NDUFB5: variants seen among roughly 807,000 people sequenced by gnomAD.
NDUFB5 encodes the protein NADH:ubiquinone oxidoreductase subunit B5.
NDUFB5 carries 19 observed loss-of-function variants against 19.4 expected under a neutral mutation model. The ratio of observed to expected loss-of-function variants is 0.98; its 90% CI spans 0.68 to 1.43. NDUFB5 has a LOEUF of 1.43. Among genes scored for constraint, NDUFB5 ranks in the 40% most tolerant of loss-of-function variants. NDUFB5 has a pLI of 0.00. For synonymous variants in NDUFB5, 80 were observed against 82.6 expected (o/e 0.97, Z 0.17); for missense variants, 233 against 236.5 (o/e 0.99, Z 0.10).
At chr3:179,621,236 C>A (rs934944409) in intron 5 of NDUFB5, among the ~76,000 whole-genome samples, 2 of 151,996 alleles carry the variant, frequency 1.3e-5, no homozygotes, top group African/African-American at 2.4e-5. Context: ...TGACACCATG[C>A]CCAGTTAATT....
chr3:179,610,994 G>GT (rs1265249514), intron 1 of NDUFB5, among the ~76,000 whole-genome samples: 4 of 151,984 alleles, frequency 2.6e-5, no homozygotes, highest in Non-Finnish European at 5.9e-5. Context: ...TAAAGGTTGA[G>GT]TTTTTTTTAT....
chr3:179,626,552 A>T lies in NDUFB5; in HGVS notation c.*2512A>T. The T allele has an allele frequency of 6.6e-6, 1 of 151,488 alleles. No homozygotes were observed. Among genetic ancestry groups the T allele is most frequent in the Admixed American group, 6.6e-5 (1 of 15,192 alleles). The allele number at this position is 151,488 out of a possible 1,614,324, so 9.4% of individuals were successfully genotyped here. ...TTTTTGTCCATTTTATTTTTTTGAG[A>T]TGGAGTCTTGCTGTGTCACCCAGGC... is the stretch of plus-strand genomic sequence containing the variant. On this transcript the variant is annotated 3_prime_UTR_variant, in exon 6 of 6. Transcript: ENST00000259037.
chr3:179,609,706 C>A (rs1378170382), intron 1 of NDUFB5, among the ~76,000 whole-genome samples: 1 of 152,152 alleles, frequency 6.6e-6, no homozygotes, highest in Admixed American at 6.5e-5. Context: ...ATTTTACATT[C>A]CTTTGTTTAC....
chr3:179,616,544 C>G (rs979470688), intron 3 of NDUFB5, among the ~76,000 whole-genome samples: 17 of 151,624 alleles, frequency 1.1e-4, no homozygotes, highest in Admixed American at 7.2e-4. Context: ...TCTGTCCCCC[C>G]CCCAAAAAAA....
intron 3 of NDUFB5, 38 bp downstream of exon 3, chr3:179,616,087 G>A (rs2108398753): frequency 6.6e-7 from 1 of 1,526,226 alleles, no homozygotes; most frequent in Non-Finnish European, 9.0e-7. Context: ...CCACCAGATT[G>A]GAAAAATTTT....
intron 1 of NDUFB5, among the ~76,000 whole-genome samples, chr3:179,608,804 A>G (rs1239993828): frequency 2.6e-5 from 4 of 152,164 alleles, no homozygotes; most frequent in Non-Finnish European, 4.4e-5. Context: ...TCAGACCTCC[A>G]GTCAACTTGT....
chr3:179,616,611 C>T (rs1029547457), intron 3 of NDUFB5, among the ~76,000 whole-genome samples: 4 of 151,956 alleles, frequency 2.6e-5, no homozygotes, highest in Non-Finnish European at 4.4e-5. Context: ...ATTAGATTTT[C>T]GTGGGAAATT....
intron 1 of NDUFB5, among the ~76,000 whole-genome samples, chr3:179,608,548 G>T (rs1214867288): frequency 6.6e-6 from 1 of 151,950 alleles, no homozygotes; most frequent in African/African-American, 2.4e-5. Context: ...GGAAATTATC[G>T]CCAGACCAAC....
In NDUFB5 at chr3:179,624,134, G is replaced by C. The variant is rs1719608346; in HGVS notation, c.*94G>C. On this transcript the variant is annotated 3_prime_UTR_variant, in exon 6 of 6. Transcript: ENST00000259037. ...TTTTTGCTCTCCGTGAAAAACAAAA[G>C]AGCCTCTGACATTACTGTCTCTCAG... The C allele has an allele frequency of 8.4e-7, 1 of 1,193,104 alleles. No individual in the cohort carries two copies. The highest frequency in any genetic ancestry group is 1.6e-5 in the African/African-American group (1 of 63,554). The allele number at this position is 1,193,104 out of a possible 1,614,324, so 73.9% of individuals were successfully genotyped here.
chr3:179,619,729 G>A (rs1215819498), intron 5 of NDUFB5, among the ~76,000 whole-genome samples: 1 of 152,144 alleles, frequency 6.6e-6, no homozygotes, highest in Non-Finnish European at 1.5e-5. Flanking sequence ...TGGGATTGCT[G>A]GGTCAAATGG....
Position 179,624,186 on chromosome 3 carries a change from T to A in NDUFB5, c.*146T>A. On this transcript the variant is annotated 3_prime_UTR_variant, in exon 6 of 6. Transcript: ENST00000259037. ...GTTGGTTCAGATTGAGGCTTTTGTT[T>A]GAGGAGTTTGGCTTCCAGTCCCCAA... 1 of 689,076 alleles carries A rather than the reference T, an allele frequency of 1.5e-6. No homozygotes were observed. The highest frequency in any genetic ancestry group is 2.2e-6 in the Non-Finnish European group (1 of 459,500). The allele number at this position is 689,076 out of a possible 1,614,324, so 42.7% of individuals were successfully genotyped here. A position where few individuals can be genotyped will look rare whatever the true frequency, so the allele number is the denominator to read the frequency against.
At chr3:179,606,120 C>A (rs1444013403) in intron 1 of NDUFB5, among the ~76,000 whole-genome samples, 1 of 152,126 alleles carries the variant, frequency 6.6e-6, no homozygotes, top group South Asian at 2.1e-4. Flanking sequence ...CTATTTGGAC[C>A]TCCTTGGAGA....
intron 5 of NDUFB5, among the ~76,000 whole-genome samples, chr3:179,622,267 C>T (rs1719558311): frequency 1.3e-5 from 2 of 152,284 alleles, no homozygotes; most frequent in African/African-American, 4.8e-5. Flanking sequence ...GCTGGGATTA[C>T]AGGCATGAGT....
intron 2 of NDUFB5, chr3:179,615,369 C>G (rs1213404476): frequency 3.9e-6 from 1 of 254,724 alleles, no homozygotes; most frequent in Admixed American, 4.6e-5. Flanking sequence ...CTTTAAATTA[C>G]CAAAGAACTT....
At position 179,618,532 on chromosome 3, in the gene NDUFB5, C is replaced by T. The variant is rs998261367; in HGVS notation, c.449+11C>T. ...AAAGGCTGAATTACGGTAGGAAAAA[C>T]GAGGGGGTAGGTGGGAAAGAAAATC... On this transcript the variant is annotated intron_variant, in intron 5 of 5. Transcript: ENST00000259037. 7.6e-6 allele frequency: 12 copies of T among 1,575,308 alleles called. No individual in the cohort carries two copies. Among genetic ancestry groups the T allele is most frequent in the South Asian group, 2.3e-5 (2 of 88,486 alleles).
At chr3:179,620,893 C>T (rs1719517714) in intron 5 of NDUFB5, among the ~76,000 whole-genome samples, 1 of 152,160 alleles carries the variant, frequency 6.6e-6, no homozygotes, top group South Asian at 2.1e-4. Flanking sequence ...CAAAAAGTTG[C>T]ACCAGTTGTT....
In NDUFB5 at chr3:179,624,059, A is replaced by G; in HGVS notation, c.*19A>G. ...CAATTAAGCATTTTTTTCTCCAAAT[A>G]CAAAGTATATTCTCTTTATTGGAAA... On this transcript the variant is annotated 3_prime_UTR_variant, in exon 6 of 6. Coordinates refer to ENST00000259037, the MANE Select transcript of NDUFB5 (RefSeq NM_002492.4). The G allele has an allele frequency of 6.2e-7, 1 of 1,604,302 alleles. No individual in the cohort carries two copies.
chr3:179,621,325 T>C (rs1214505428), intron 5 of NDUFB5, among the ~76,000 whole-genome samples: 2 of 152,114 alleles, frequency 1.3e-5, no homozygotes, highest in East Asian at 3.9e-4. Flanking sequence ...CGATCCACCC[T>C]CTGGGCCTCC....
chr3:179,612,475 CTTTTTTTTTTT>C, intron 1 of NDUFB5, among the ~76,000 whole-genome samples: 1 of 122,832 alleles, frequency 8.1e-6, no homozygotes, highest in South Asian at 2.6e-4. Context: ...TGCATTAAAC[CTTTTTTTTTTT>C]TTTTTTTTTG....
Sources: gnomAD v4.1 joint callset for allele counts (sites outside exome capture counted in the v4.1 genomes callset) on GRCh38, gnomAD v4.1.1 for gene constraint, MANE v1.5 for transcripts, NCBI Gene and HGNC (gene_info 2026-07-23, HGNC 2026-07-21) for gene names.